The following GPC5 variants were observed in gnomAD, a reference collection of about 807,000 sequenced individuals.
GPC5 encodes glypican 5, also known as glypican-5.
A neutral mutation model predicts 53.9 loss-of-function variants in GPC5; 47 were observed. That is an observed-to-expected ratio of 0.87 (90% CI 0.69 to 1.11). The LOEUF (loss-of-function observed/expected upper bound fraction) is 1.11, where lower values mean the gene tolerates loss of function less well. GPC5 is among the 50% of genes most tolerant of loss of function. The pLI, the probability that GPC5 is intolerant of heterozygous loss-of-function variation, is 0.00. For synonymous variants in GPC5, 286 were observed against 263.3 expected, an observed-to-expected ratio of 1.09 and a Z score of -0.84; for missense variants, 748 against 713.1, an observed-to-expected ratio of 1.05 and a Z score of -0.56.
chr13:92,071,030 G>T (rs2041206995), intron 6 of GPC5, among the ~76,000 whole-genome samples: 1 of 152,148 alleles, frequency 6.6e-6, no homozygotes. Context: ...GAGGTCAGGA[G>T]ATCAAGACCA....
In GPC5 at chr13:92,628,260, CTTTCTTTTTTTTTTT is replaced by C. The variant is rs1885114617; in HGVS notation, c.1562-238018_1562-238004del. 8.0e-5 allele frequency among the ~76,000 whole-genome samples: 3 copies of C among 37,552 alleles called. No individual in the cohort carries two copies. The Admixed American group carries it at 8.7e-4, about 11-fold the overall frequency. 24.6% of individuals were successfully genotyped at this position (37,552 alleles called of 152,430 possible). The stretch of plus-strand genomic sequence containing the variant: ...CCTATTTTCTTTTCTTTTTCTTTTT[CTTTCTTTTTTTTTTT>C]TTTTTTTTTTTTTTTTTTGAGATGT... On this transcript the variant is annotated intron_variant, in intron 7 of 7. Coordinates refer to ENST00000377067, the MANE Select transcript of GPC5 (RefSeq NM_004466.6).
At chr13:92,560,037 T>C (rs945544135) in intron 7 of GPC5, among the ~76,000 whole-genome samples, 10 of 151,840 alleles carry the variant, frequency 6.6e-5, no homozygotes, top group African/African-American at 2.4e-4. Context: ...TAGCAGGGAT[T>C]CCTGGCCTTT....
At chr13:92,376,563 C>A (rs996386456) in intron 7 of GPC5, among the ~76,000 whole-genome samples, 2 of 152,162 alleles carry the variant, frequency 1.3e-5, no homozygotes, top group African/African-American at 4.8e-5. Context: ...CAGTAAGTTC[C>A]TCCATCTGAG....
At chr13:92,154,413 C>A (rs2041928803) in intron 7 of GPC5, among the ~76,000 whole-genome samples, 1 of 152,120 alleles carries the variant, frequency 6.6e-6, no homozygotes, top group African/African-American at 2.4e-5. Flanking sequence ...TTTCAGTGAT[C>A]CATTACTTCT....
At chr13:92,386,713 T>C (rs1874743693) in intron 7 of GPC5, among the ~76,000 whole-genome samples, 1 of 152,086 alleles carries the variant, frequency 6.6e-6, no homozygotes, top group African/African-American at 2.4e-5. Flanking sequence ...CATGACCCTA[T>C]TTCATAACAG....
intron 7 of GPC5, among the ~76,000 whole-genome samples, chr13:92,805,553 C>G (rs2138792046): frequency 6.6e-6 from 1 of 152,176 alleles, no homozygotes; most frequent in African/African-American, 2.4e-5. Context: ...CCTTCTACTT[C>G]AGCCTCCCAA....
chr13:91,445,665 G>A (rs1880750959), intron 1 of GPC5, among the ~76,000 whole-genome samples: 1 of 152,100 alleles, frequency 6.6e-6, no homozygotes, highest in Admixed American at 6.6e-5. Context: ...AGTAGAGATG[G>A]GGTTTTGCCA....
intron 5 of GPC5, among the ~76,000 whole-genome samples, chr13:91,887,243 C>T (rs1412368018): frequency 1.3e-5 from 2 of 152,160 alleles, no homozygotes; most frequent in African/African-American, 4.8e-5. Context: ...TTGAGCTGTA[C>T]CCTGGTGTCT....
intron 7 of GPC5, among the ~76,000 whole-genome samples, chr13:92,220,182 C>T (rs1476425572): frequency 6.6e-6 from 1 of 152,012 alleles, no homozygotes; most frequent in African/African-American, 2.4e-5. Context: ...GCTTTCCTTA[C>T]TTATTGAATA....
intron 7 of GPC5, among the ~76,000 whole-genome samples, chr13:92,508,361 T>A (rs1423369426): frequency 6.6e-6 from 1 of 152,170 alleles, no homozygotes; most frequent in Non-Finnish European, 1.5e-5. Flanking sequence ...AATTTTAAAG[T>A]CCTAATCTGT....
At chr13:91,636,192 G>C (rs977155080) in intron 2 of GPC5, among the ~76,000 whole-genome samples, 5 of 152,024 alleles carry the variant, frequency 3.3e-5, no homozygotes, top group African/African-American at 1.2e-4. Flanking sequence ...CAATGTGAAT[G>C]ATAGCACCAT....
intron 2 of GPC5, among the ~76,000 whole-genome samples, chr13:91,626,938 C>T (rs1380718907): frequency 2.0e-5 from 3 of 148,226 alleles, no homozygotes; most frequent in South Asian, 2.2e-4. Context: ...TTTGTCCTTG[C>T]GATAGTCTGC....
chr13:92,583,894 G>A (rs1243866555), intron 7 of GPC5, among the ~76,000 whole-genome samples: 1 of 152,018 alleles, frequency 6.6e-6, no homozygotes, highest in Non-Finnish European at 1.5e-5. Context: ...ATTATAAGGG[G>A]GAGTTTCCCT....
At chr13:92,673,881 T>A (rs1886839087) in intron 7 of GPC5, among the ~76,000 whole-genome samples, 1 of 152,164 alleles carries the variant, frequency 6.6e-6, no homozygotes, top group Non-Finnish European at 1.5e-5. Flanking sequence ...AGCTACCTCA[T>A]AAATAATGGA....
At chr13:91,414,763 C>T (rs1425370673) in intron 1 of GPC5, among the ~76,000 whole-genome samples, 1 of 152,166 alleles carries the variant, frequency 6.6e-6, no homozygotes, top group Non-Finnish European at 1.5e-5. Flanking sequence ...ACTGACCATA[C>T]TCTCTTGGTC....
intron 7 of GPC5, among the ~76,000 whole-genome samples, chr13:92,678,463 A>T (rs1229219137): frequency 6.6e-6 from 1 of 152,154 alleles, no homozygotes; most frequent in Non-Finnish European, 1.5e-5. Context: ...CTTGAAGGAG[A>T]TGAGGGAAGT....
intron 7 of GPC5, among the ~76,000 whole-genome samples, chr13:92,825,733 G>A (rs1430773811): frequency 1.3e-5 from 2 of 151,464 alleles, no homozygotes; most frequent in South Asian, 4.2e-4. Context: ...TATGTTTATG[G>A]GTATTCTTTC....
At chr13:91,922,928 G>T (rs2039730412) in intron 6 of GPC5, among the ~76,000 whole-genome samples, 1 of 152,134 alleles carries the variant, frequency 6.6e-6, no homozygotes, top group Admixed American at 6.5e-5. Context: ...TTTTCTGGGT[G>T]TTAACTTAAA....
intron 7 of GPC5, among the ~76,000 whole-genome samples, chr13:92,386,401 A>T (rs1455409601): frequency 2.6e-5 from 4 of 152,066 alleles, no homozygotes; most frequent in Non-Finnish European, 5.9e-5. Context: ...ACTTTGAATG[A>T]CACTTAGATG....
Sources: gnomAD v4.1 joint callset for allele counts (sites outside exome capture counted in the v4.1 genomes callset) on GRCh38, gnomAD v4.1.1 for gene constraint, MANE v1.5 for transcripts, NCBI Gene and HGNC (gene_info 2026-07-23, HGNC 2026-07-21) for gene names.